Variants in PHF14 observed in about 807,000 individuals in gnomAD.
PHF14 encodes the protein PHD finger protein 14.
In PHF14, 55 loss-of-function variants were observed where a neutral mutation model predicts 117.9. The ratio of observed to expected loss-of-function variants is 0.47; its 90% CI spans 0.38 to 0.58. PHF14 has a LOEUF of 0.58. PHF14 is among the 20% of genes least tolerant of loss of function. The pLI is 0.00. For synonymous variants in PHF14, 409 were observed against 368.6 expected (o/e 1.11, Z -1.26); for missense variants, 978 against 1,122.2 (o/e 0.87, Z 1.84).
Position 10,973,953 on chromosome 7 carries a change from C to T in PHF14, c.-371C>T, listed in dbSNP as rs1247282379. On this transcript the variant is annotated 5_prime_UTR_variant, in exon 1 of 18. Coordinates refer to ENST00000634607, the MANE Select transcript of PHF14 (RefSeq NM_001007157.2). ...GCCCTCGCGCTGTGCAATTTCTGGT[C>T]TTTCGTTGCTTCTGGTCCAGGCTAA... The T allele has an allele frequency of 4.9e-6, 1 of 204,026 alleles. No homozygotes were observed. Among genetic ancestry groups the T allele is most frequent in the Non-Finnish European group, 1.0e-5 (1 of 98,906 alleles). 12.6% of individuals were successfully genotyped at this position (204,026 alleles called of 1,614,324 possible).
intron 6 of PHF14, 35 bp from the exon 7 acceptor site, chr7:11,028,646 T>G: frequency 6.2e-7 from 1 of 1,607,706 alleles, no homozygotes; most frequent in Non-Finnish European, 8.5e-7. Flanking sequence ...TGGAAATAAG[T>G]TTGCTTTGAG....
chr7:11,002,967 A>T (rs1416030783), intron 4 of PHF14, among the ~76,000 whole-genome samples: 1 of 150,592 alleles, frequency 6.6e-6, no homozygotes, highest in Non-Finnish European at 1.5e-5. Context: ...TTTTTTTTTG[A>T]GACGGAGTCT....
chr7:11,118,333 C>T (rs991832584), intron 17 of PHF14, among the ~76,000 whole-genome samples: 1 of 151,764 alleles, frequency 6.6e-6, no homozygotes, highest in African/African-American at 2.4e-5. Flanking sequence ...CCAGTTGATC[C>T]TCTACTGTAG....
intron 13 of PHF14, among the ~76,000 whole-genome samples, chr7:11,044,085 A>C (rs1784585173): frequency 1.3e-5 from 2 of 152,142 alleles, no homozygotes; most frequent in Non-Finnish European, 2.9e-5. Context: ...ACCCAGGAAA[A>C]GAAAACCAAA....
At chr7:11,150,046 C>A (rs907887697) in intron 17 of PHF14, among the ~76,000 whole-genome samples, 5 of 152,000 alleles carry the variant, frequency 3.3e-5, no homozygotes, top group African/African-American at 1.2e-4. Context: ...TAAATATATA[C>A]ATGTAATGTT....
chr7:11,147,951 T>A (rs1253603345), intron 17 of PHF14, among the ~76,000 whole-genome samples: 1 of 152,162 alleles, frequency 6.6e-6, no homozygotes, highest in Non-Finnish European at 1.5e-5. Context: ...TCTTCTCTAT[T>A]CCCATCACAA....
intron 17 of PHF14, among the ~76,000 whole-genome samples, chr7:11,131,981 G>A (rs1043525358): frequency 2.6e-5 from 4 of 151,466 alleles, no homozygotes; most frequent in Non-Finnish European, 4.4e-5. Context: ...ATTTTTTATT[G>A]TGTATATTTA....
Position 11,040,787 on chromosome 7 carries a change from A to G in PHF14, c.2180+12A>G, listed in dbSNP as rs1236636438. ...GCAGTACTTTATAGGCAAGTAATGA[A>G]ATTAATAATGATAGAATAATGTTGT... On this transcript the variant is annotated intron_variant, in intron 12 of 17. Coordinates refer to ENST00000634607, the MANE Select transcript of PHF14 (RefSeq NM_001007157.2). The G allele has an allele frequency of 7.9e-7, 1 of 1,261,584 alleles. No homozygotes were observed. The highest frequency in any genetic ancestry group is 2.6e-5 in the East Asian group (1 of 38,982). 78.1% of individuals were successfully genotyped at this position (1,261,584 alleles called of 1,614,324 possible).
chr7:11,070,255 G>A (rs370564240), intron 16 of PHF14, among the ~76,000 whole-genome samples: 4 of 152,088 alleles, frequency 2.6e-5, no homozygotes, highest in East Asian at 1.9e-4. Context: ...TTTTTTAATC[G>A]TTTGTAGAAA....
intron 16 of PHF14, among the ~76,000 whole-genome samples, chr7:11,072,347 C>T (rs1360736727): frequency 6.6e-6 from 1 of 152,120 alleles, no homozygotes; most frequent in African/African-American, 2.4e-5. Flanking sequence ...AGAAATCTAC[C>T]CCCGTGATCC....
intron 17 of PHF14, among the ~76,000 whole-genome samples, chr7:11,140,340 A>G (rs186600339): frequency 1.3e-5 from 2 of 152,022 alleles, no homozygotes; most frequent in East Asian, 1.9e-4. Flanking sequence ...CTTTAAAACA[A>G]ATGTTCACAG....
At chr7:11,009,670 A>C (rs1391935777) in intron 4 of PHF14, among the ~76,000 whole-genome samples, 1 of 152,258 alleles carries the variant, frequency 6.6e-6, no homozygotes, top group South Asian at 2.1e-4. Flanking sequence ...CAGTAAACCC[A>C]ACAGGTATGA....
chr7:10,996,685 A>T (rs1295691230), intron 4 of PHF14, among the ~76,000 whole-genome samples: 2 of 152,226 alleles, frequency 1.3e-5, no homozygotes, highest in African/African-American at 4.8e-5. Context: ...ATAGAGGATA[A>T]GTTAACTCAT....
intron 16 of PHF14, among the ~76,000 whole-genome samples, chr7:11,084,274 G>T (rs897026285): frequency 3.3e-5 from 5 of 152,136 alleles, no homozygotes; most frequent in African/African-American, 9.7e-5. Flanking sequence ...TTATTTTGAA[G>T]ATAATAGCAA....
Position 11,169,559 on chromosome 7 carries a change from A to G in PHF14, c.*69A>G. On this transcript the variant is annotated 3_prime_UTR_variant, in exon 18 of 18. Transcript: ENST00000634607. Reference sequence around the variant, plus strand: ...TAGCAGATAAAATTTCTAATTGTAAAATGTTAAATTGTAAAATCTAATTTG... The same window carrying G: ...TAGCAGATAAAATTTCTAATTGTAAGATGTTAAATTGTAAAATCTAATTTG... 4.7e-6 allele frequency: 3 copies of G among 635,542 alleles called. No individual in the cohort carries two copies. The highest frequency in any genetic ancestry group is 5.2e-6 in the Non-Finnish European group (2 of 386,058). The allele number at this position is 635,542 out of a possible 1,614,324, so 39.4% of individuals were successfully genotyped here. A position where few individuals can be genotyped will look rare whatever the true frequency, so the allele number is the denominator to read the frequency against.
At chr7:11,082,740 A>G (rs776179534) in intron 16 of PHF14, among the ~76,000 whole-genome samples, 1 of 152,166 alleles carries the variant, frequency 6.6e-6, no homozygotes, top group East Asian at 1.9e-4. Flanking sequence ...ACTTCCACTC[A>G]GCTATGTCAG....
At position 11,062,624 on chromosome 7, in the gene PHF14, T is replaced by C. The variant is rs1348564118; in HGVS notation, c.2654+539T>C. The C allele has an allele frequency of 3.4e-6, 3 of 890,566 alleles. No individual in the cohort carries two copies. In the African/African-American group the frequency reaches 5.4e-5, roughly 16 times the overall value. 55.2% of individuals were successfully genotyped at this position (890,566 alleles called of 1,614,324 possible). A position where few individuals can be genotyped will look rare whatever the true frequency, so the allele number is the denominator to read the frequency against. ...TAGGTTGATTTTATTTTTTGTTTTG[T>C]CTTTGTTTCTTTGTTTCGTTTTGGT... On this transcript the variant is annotated intron_variant, in intron 16 of 17. Transcript: ENST00000634607.
chr7:11,078,451 A>G (rs535312931), intron 16 of PHF14, among the ~76,000 whole-genome samples: 1 of 152,324 alleles, frequency 6.6e-6, no homozygotes, highest in South Asian at 2.1e-4. Flanking sequence ...CTGTATAACC[A>G]TGAGAAATGC....
intron 3 of PHF14, among the ~76,000 whole-genome samples, chr7:10,986,369 C>G (rs567035379): frequency 1.3e-5 from 2 of 152,254 alleles, no homozygotes; most frequent in East Asian, 3.9e-4. Flanking sequence ...CAAATTAAAA[C>G]TGAGGAAGCA....
Sources: allele counts gnomAD v4.1 joint callset (sites outside exome capture counted in the v4.1 genomes callset), GRCh38; gene constraint gnomAD v4.1.1; transcripts MANE v1.5; gene names NCBI Gene and HGNC (gene_info 2026-07-23, HGNC 2026-07-21).